ADGRL2: variants seen among roughly 807,000 people sequenced by gnomAD.
ADGRL2 encodes calcium-independent alpha-latrotoxin receptor 2.
In ADGRL2, 44 loss-of-function variants were observed where a neutral mutation model predicts 157.4. The observed-to-expected ratio is 0.28, with a 90% confidence interval of 0.22 to 0.36. The LOEUF (loss-of-function observed/expected upper bound fraction) is 0.36, where lower values mean the gene tolerates loss of function less well. Ranked by LOEUF, ADGRL2 falls within the 10% of genes least tolerant of loss-of-function variation. ADGRL2 has a pLI of 1.00. For synonymous variants in ADGRL2, 585 were observed against 624.7 expected, an observed-to-expected ratio of 0.94 and a Z score of 0.95; for missense variants, 1,510 against 1,768.9, an observed-to-expected ratio of 0.85 and a Z score of 2.63.
chr1:81,882,798 T>G (rs906366757), intron 2 of ADGRL2, among the ~76,000 whole-genome samples: 4 of 152,194 alleles, frequency 2.6e-5, no homozygotes, highest in Admixed American at 2.6e-4. Context: ...CTATGCAATC[T>G]CTTTTAACCT....
At chr1:81,527,547 A>G (rs368800877) in intron 2 of ADGRL2, among the ~76,000 whole-genome samples, 4 of 152,260 alleles carry the variant, frequency 2.6e-5, no homozygotes, top group African/African-American at 9.6e-5. Flanking sequence ...CCCTGTCTCT[A>G]CTAAAAATAC....
At chr1:81,830,511 T>G (rs563141602) in intron 1 of ADGRL2, among the ~76,000 whole-genome samples, 1 of 152,316 alleles carries the variant, frequency 6.6e-6, no homozygotes, top group African/African-American at 2.4e-5. Flanking sequence ...TATCTATATT[T>G]TATTTTATTT....
At position 81,936,891 on chromosome 1, in the gene ADGRL2, C is replaced by T. The variant is rs544053127; in HGVS notation, c.397+54C>T. On this transcript the variant is annotated intron_variant, in intron 4 of 23. Transcript: ENST00000686636. ...CTTTGCCCAGCATTACTTGTTGATG[C>T]TGAAAGACTACACATGTGAAAGAAG... is the stretch of plus-strand genomic sequence containing the variant. The T allele has an allele frequency of 7.3e-5, 76 of 1,043,592 alleles. No homozygotes were observed. The East Asian group carries it at 1.8e-3, about 25-fold the overall frequency. 64.6% of individuals were successfully genotyped at this position (1,043,592 alleles called of 1,614,324 possible). A position where few individuals can be genotyped will look rare whatever the true frequency, so the allele number is the denominator to read the frequency against.
intron 2 of ADGRL2, among the ~76,000 whole-genome samples, chr1:81,900,617 A>T (rs2094468697): frequency 6.6e-6 from 1 of 152,184 alleles, no homozygotes; most frequent in Non-Finnish European, 1.5e-5. Flanking sequence ...CCATTCTGAA[A>T]CTTAACAGGG....
chr1:81,773,444 T>C (rs539414806), intron 2 of ADGRL2, among the ~76,000 whole-genome samples: 26 of 152,290 alleles, frequency 1.7e-4, no homozygotes, highest in African/African-American at 5.3e-4. Context: ...GTGAGTTAAT[T>C]TGAAGCCTTG....
intron 2 of ADGRL2, among the ~76,000 whole-genome samples, chr1:81,460,390 AAAG>A (rs1462225959): frequency 2.6e-4 from 39 of 152,194 alleles, no homozygotes; most frequent in Admixed American, 2.0e-4. Context: ...ATTTTTAAAA[AAAG>A]AAAAAATTTA....
intron 2 of ADGRL2, among the ~76,000 whole-genome samples, chr1:81,576,423 C>T (rs904751800): frequency 6.6e-6 from 1 of 152,054 alleles, no homozygotes; most frequent in African/African-American, 2.4e-5. Context: ...TTAATGACAG[C>T]CTCCAAGGAC....
At position 81,990,763 on chromosome 1, in the gene ADGRL2, A is replaced by G; in HGVS notation, c.4028A>G (p.His1343Arg). The change falls in exon 24 of 24, where the codon CAC becomes CGC. Residue 1343 changes from histidine (H) to arginine (R), a missense_variant. Coordinates refer to ENST00000686636, the MANE Select transcript of ADGRL2 (RefSeq NM_001366006.2). ...GCACCACTTATTCCTCAGCGGACTC[A>G]CTCCCTTCTGTACCAACCCCAGAAG... ...LEAPLIPQRT[H>R]SLLYQPQKKV... 6.2e-7 allele frequency: 1 copy of G among 1,613,876 alleles called. No homozygotes were observed. Among genetic ancestry groups the G allele is most frequent in the Non-Finnish European group, 8.5e-7 (1 of 1,179,956 alleles).
At position 81,497,985 on chromosome 1, in the gene ADGRL2, T is replaced by G. The variant is rs988828871; in HGVS notation, c.-248+52896T>G. On this transcript the variant is annotated intron_variant, in intron 2 of 24. Coordinates refer to the ADGRL2 transcript ENST00000370721. ...ACTTTGGGAGGCCGAGGCGGGCAGATCACGAGGTCAGGAGATCAAGATCAT... is the reference window on the plus strand; with the variant it reads ...ACTTTGGGAGGCCGAGGCGGGCAGAGCACGAGGTCAGGAGATCAAGATCAT... Among the ~76,000 whole-genome samples the G allele has an allele frequency of 2.6e-5, 4 of 152,116 alleles. No individual in the cohort carries two copies. The East Asian group carries it at 7.7e-4, about 29-fold the overall frequency.
At chr1:81,861,791 G>A (rs1314567132) in intron 2 of ADGRL2, among the ~76,000 whole-genome samples, 2 of 152,176 alleles carry the variant, frequency 1.3e-5, no homozygotes, top group African/African-American at 4.8e-5. Flanking sequence ...GGAGGCTGAG[G>A]CAGGAGAATT....
At chr1:81,376,434 C>T (rs2076251008) in intron 1 of ADGRL2, among the ~76,000 whole-genome samples, 1 of 152,210 alleles carries the variant, frequency 6.6e-6, no homozygotes, top group Admixed American at 6.5e-5. Context: ...ACTGGGTTGA[C>T]TAAACCCAAA....
At chr1:81,322,945 A>T (rs1304596356) in intron 1 of ADGRL2, among the ~76,000 whole-genome samples, 1 of 150,676 alleles carries the variant, frequency 6.6e-6, no homozygotes, top group Non-Finnish European at 1.5e-5. Context: ...GCAACCTCCC[A>T]CTCTTTGGTT....
At chr1:81,669,432 T>A (rs1378994258) in intron 3 of ADGRL2, among the ~76,000 whole-genome samples, 1 of 151,636 alleles carries the variant, frequency 6.6e-6, no homozygotes, top group African/African-American at 2.4e-5. Context: ...AAACAAAGAC[T>A]ATGGGAGTAT....
chr1:81,739,427 C>A (rs9726275), intron 1 of ADGRL2, among the ~76,000 whole-genome samples: 5 of 152,020 alleles, frequency 3.3e-5, no homozygotes, highest in African/African-American at 9.7e-5. Context: ...ACCCTTGGGC[C>A]CATTTCCTCT....
chr1:81,567,427 C>T (rs970703460), intron 2 of ADGRL2, among the ~76,000 whole-genome samples: 5 of 152,014 alleles, frequency 3.3e-5, no homozygotes, highest in African/African-American at 1.2e-4. Flanking sequence ...TTGTGTGTCC[C>T]TATGTCTGAT....
intron 3 of ADGRL2, among the ~76,000 whole-genome samples, chr1:81,672,414 C>A (rs1275035808): frequency 2.6e-5 from 4 of 152,172 alleles, no homozygotes; most frequent in Non-Finnish European, 4.4e-5. Context: ...GGAACTGATA[C>A]ATATTTAGGA....
chr1:81,372,749 A>G (rs539207027), intron 1 of ADGRL2, among the ~76,000 whole-genome samples: 2 of 152,320 alleles, frequency 1.3e-5, no homozygotes, highest in South Asian at 4.1e-4. Flanking sequence ...CCTTTCTGTA[A>G]TGAAGCTCTT....
At chr1:81,597,412 AT>A (rs1167203238) in intron 3 of ADGRL2, among the ~76,000 whole-genome samples, 1 of 152,306 alleles carries the variant, frequency 6.6e-6, no homozygotes, top group East Asian at 1.9e-4. Flanking sequence ...ATTTGCTAAT[AT>A]TTTACATGTT....
chr1:81,880,867 C>G (rs2093969759), intron 2 of ADGRL2, among the ~76,000 whole-genome samples: 1 of 152,150 alleles, frequency 6.6e-6, no homozygotes, highest in Non-Finnish European at 1.5e-5. Flanking sequence ...AGGCATTTGG[C>G]TGTCTCCTGC....
Sources: allele counts gnomAD v4.1 joint callset (sites outside exome capture counted in the v4.1 genomes callset), GRCh38; gene constraint gnomAD v4.1.1; transcripts MANE v1.5; gene names NCBI Gene and HGNC (gene_info 2026-07-23, HGNC 2026-07-21).